Variants in NAP1L4 observed in about 807,000 individuals in gnomAD.
NAP1L4 encodes the protein nucleosome assembly protein 1-like 4.
Under a neutral mutation model 58.2 loss-of-function variants are expected in NAP1L4, and 15 were observed. The observed-to-expected ratio is 0.26, with a 90% CI of 0.17 to 0.40. NAP1L4 has a LOEUF of 0.40. Ranked by LOEUF, NAP1L4 falls within the 10% of genes least tolerant of loss-of-function variation. NAP1L4 has a pLI of 1.00. For missense variants in NAP1L4, 384 were observed against 451.1 expected (o/e 0.85, Z 1.35); for synonymous variants, 171 against 155.6 (o/e 1.10, Z -0.74).
intron 1 of NAP1L4, among the ~76,000 whole-genome samples, chr11:2,982,842 A>G (rs1590270505): frequency 6.6e-6 from 1 of 151,988 alleles, no homozygotes; most frequent in Non-Finnish European, 1.5e-5. Context: ...CCAACATGGT[A>G]AAACCCCGTC....
At chr11:2,967,500 A>G (rs1847354646) in intron 7 of NAP1L4, among the ~76,000 whole-genome samples, 2 of 151,808 alleles carry the variant, frequency 1.3e-5, no homozygotes, top group African/African-American at 2.4e-5. Flanking sequence ...AGTCCCAGCT[A>G]CTCGGGAGGC....
At position 2,944,568 on chromosome 11, in the gene NAP1L4, T is replaced by A. The variant is rs897743873; in HGVS notation, c.*1111A>T. On this transcript the variant is annotated 3_prime_UTR_variant, in exon 16 of 16. Transcript: ENST00000380542. ...GGCCTGGTCAGTGCGGACACGGCCA[T>A]CCCCGGCTGCCGGAGAGCGCCGTCA... 1 of 152,280 alleles carries A rather than the reference T, an allele frequency of 6.6e-6. No homozygotes were observed. The highest frequency in any genetic ancestry group is 2.4e-5 in the African/African-American group (1 of 41,446). The allele number at this position is 152,280 out of a possible 1,614,324, so 9.4% of individuals were successfully genotyped here. A position where few individuals can be genotyped will look rare whatever the true frequency, so the allele number is the denominator to read the frequency against.
chr11:2,978,325 G>C lies in NAP1L4; in HGVS notation c.32C>G (p.Pro11Arg), dbSNP rs760363060. 1.9e-6 allele frequency: 3 copies of C among 1,613,926 alleles called. No homozygotes were observed. Among genetic ancestry groups the C allele is most frequent in the South Asian group, 1.1e-5 (1 of 91,060 alleles). ...TTTAGCAGCTTCCACGGAATCTGAAGGAACCCCATCTGAAAAACTAAAACA... is the reference window on the plus strand; with the variant it reads ...TTTAGCAGCTTCCACGGAATCTGAACGAACCCCATCTGAAAAACTAAAACA... The part of the protein sequence containing the change: MADHSFSDGV[P>R]SDSVEAAKNA... The change falls in exon 3 of 16, where the codon CCT becomes CGT. Residue 11 changes from proline (P) to arginine (R), a missense_variant. Transcript: ENST00000380542.
At chr11:2,962,864 G>C (rs1232773496) in intron 8 of NAP1L4, among the ~76,000 whole-genome samples, 1 of 152,076 alleles carries the variant, frequency 6.6e-6, no homozygotes, top group African/African-American at 2.4e-5. Context: ...CACTTTGGAA[G>C]GCTGAGGCGG....
chr11:2,959,836 A>T lies in NAP1L4; in HGVS notation c.680T>A (p.Met227Lys). 1 of 1,614,244 alleles carries T rather than the reference A, an allele frequency of 6.2e-7. No homozygotes were observed. ...TNSVLTKTYK[M>K]KSEPDKADPF... Reference sequence around the variant, plus strand: ...ATCAGCCTTATCTGGTTCTGATTTCATCTTGTAGGTTTTTGTCAGGACTGA... The same window carrying T: ...ATCAGCCTTATCTGGTTCTGATTTCTTCTTGTAGGTTTTTGTCAGGACTGA... Residue 227 changes from methionine to lysine, a missense_variant, in exon 9 of 16, where the codon ATG (methionine) becomes AAG (lysine). This residue lies in a region of NAP1L4 where 296 missense variants were observed against 360.8 expected (regional missense o/e 0.82). Transcript: ENST00000380542. This position sits in a 1 kb window ranked among gnomAD's most constrained non-coding sequence, Gnocchi z 4.9.
chr11:2,966,882 T>C (rs760316553), intron 7 of NAP1L4, among the ~76,000 whole-genome samples: 4 of 152,196 alleles, frequency 2.6e-5, no homozygotes, highest in African/African-American at 4.8e-5. Context: ...CAAGCAGCCA[T>C]GTACCCTGTG....
Position 2,951,292 on chromosome 11 carries a change from T to C in NAP1L4, c.1089A>G (p.Gly363=), listed in dbSNP as rs1441416203. 5 of 1,613,950 alleles carry C rather than the reference T, an allele frequency of 3.1e-6. No homozygotes were observed. Among genetic ancestry groups the C allele is most frequent in the East Asian group, 4.5e-5 (2 of 44,886 alleles). ...EEEELEGDEE[G]EDEDDAEINP... is the part of the protein sequence containing the mutation. ...TAATTTCCGCATCATCCTCGTCTTC[T>C]CCCTCCTCGTCACCTTCTAATTCCT... The change falls in exon 14 of 16, where the codon GGA becomes GGG. Residue 363 remains glycine (G), a synonymous_variant. Transcript: ENST00000380542. This position sits in a 1 kb window ranked among gnomAD's most constrained non-coding sequence, Gnocchi z 4.0.
At position 2,948,118 on chromosome 11, in the gene NAP1L4, T is replaced by C. The variant is rs1377927102; in HGVS notation, c.*32+1109A>G. ...TAAGAGTGGCTAAGTTCTTCAGACATGCGGGGACAACAGGAATTAATGGCA... is the reference window on the plus strand; with the variant it reads ...TAAGAGTGGCTAAGTTCTTCAGACACGCGGGGACAACAGGAATTAATGGCA... On this transcript the variant is annotated intron_variant, in intron 15 of 15. Coordinates refer to ENST00000380542, the MANE Select transcript of NAP1L4 (RefSeq NM_005969.4). The surrounding 1 kb of genome is among the most constrained non-coding windows in gnomAD (Gnocchi z 5.1). Among the ~76,000 whole-genome samples, 2 of 152,150 alleles carry C rather than the reference T, an allele frequency of 1.3e-5. No homozygotes were observed. Among genetic ancestry groups the C allele is most frequent in the Non-Finnish European group, 2.9e-5 (2 of 68,024 alleles).
rs1053814440 is a variant in NAP1L4 at position 2,978,268 on chromosome 11, T to C, written c.73+16A>G. 1.2e-6 allele frequency: 2 copies of C among 1,612,546 alleles called. No individual in the cohort carries two copies. Among genetic ancestry groups the C allele is most frequent in the South Asian group, 1.1e-5 (1 of 90,828 alleles). On this transcript the variant is annotated intron_variant, in intron 3 of 15. Transcript: ENST00000380542. ...CCCCATACTGGATGCAAACTCTCCA[T>C]GTGCAGTGGACTGACCTGTGTTACT... is the stretch of plus-strand genomic sequence containing the variant.
chr11:2,990,848 G>C (rs1337931163), intron 1 of NAP1L4: 4 of 304,104 alleles, frequency 1.3e-5, no homozygotes, highest in Admixed American at 4.1e-5. Flanking sequence ...CGCAGTGCAG[G>C]TATTAGTCAT....
intron 7 of NAP1L4, among the ~76,000 whole-genome samples, chr11:2,965,731 C>T (rs1168502951): frequency 2.6e-5 from 4 of 152,098 alleles, no homozygotes; most frequent in Admixed American, 1.3e-4. Flanking sequence ...GGGGTTTCAC[C>T]GTGTTAGCCA....
intron 1 of NAP1L4, among the ~76,000 whole-genome samples, chr11:2,984,593 C>A (rs527626874): frequency 1.3e-5 from 2 of 152,156 alleles, no homozygotes; most frequent in Admixed American, 1.3e-4. Flanking sequence ...AAACAAAAAA[C>A]TAACAAACAC....
At chr11:2,963,148 A>AC (rs1847044303) in intron 8 of NAP1L4, among the ~76,000 whole-genome samples, 1 of 139,068 alleles carries the variant, frequency 7.2e-6, no homozygotes, top group Admixed American at 8.1e-5. Flanking sequence ...AAAGAAAAGG[A>AC]GAAAAAAGAA....
chr11:2,967,519 G>A (rs1847355842), intron 7 of NAP1L4, among the ~76,000 whole-genome samples: 1 of 151,718 alleles, frequency 6.6e-6, no homozygotes, highest in Non-Finnish European at 1.5e-5. Flanking sequence ...GCTGAGGCAG[G>A]AGAATGGCGT....
In NAP1L4 at chr11:2,948,219, T is replaced by C. The variant is rs1279353365; in HGVS notation, c.*32+1008A>G. On this transcript the variant is annotated intron_variant, in intron 15 of 15. Transcript: ENST00000380542. This position sits in a 1 kb window ranked among gnomAD's most constrained non-coding sequence, Gnocchi z 5.1. Reference sequence around the variant, plus strand: ...AAACAAAATCGTTCCAAGAGCTGCATCCGCCCTATGTACCATCAGTTTCCC... The same window carrying C: ...AAACAAAATCGTTCCAAGAGCTGCACCCGCCCTATGTACCATCAGTTTCCC... 1.3e-5 allele frequency among the ~76,000 whole-genome samples: 2 copies of C among 152,200 alleles called. No homozygotes were observed. Among genetic ancestry groups the C allele is most frequent in the Non-Finnish European group, 2.9e-5 (2 of 68,032 alleles).
At position 2,984,011 on chromosome 11, in the gene NAP1L4, A is replaced by G. The variant is rs531724761; in HGVS notation, c.-17-4774T>C. On this transcript the variant is annotated intron_variant, in intron 1 of 15. Transcript: ENST00000380542. Reference sequence around the variant, plus strand: ...AACAAAAAGAAAAAAAAAAAAAATGAGGCTGGACACAGTGGTTGATGCCTC... The same window carrying G: ...AACAAAAAGAAAAAAAAAAAAAATGGGGCTGGACACAGTGGTTGATGCCTC... 2.5e-3 allele frequency among the ~76,000 whole-genome samples: 378 copies of G among 149,978 alleles called. 1 individual carries two copies. The highest frequency in any genetic ancestry group is 8.5e-3 in the African/African-American group (349 of 41,116).
chr11:2,947,966 C>A (rs1396033516), intron 15 of NAP1L4, among the ~76,000 whole-genome samples: 1 of 152,184 alleles, frequency 6.6e-6, no homozygotes, highest in African/African-American at 2.4e-5. Context: ...TGCTGTTGCA[C>A]CCTGCCCTTC....
At chr11:2,953,809 C>A (rs1267051128) in intron 12 of NAP1L4, among the ~76,000 whole-genome samples, 1 of 152,214 alleles carries the variant, frequency 6.6e-6, no homozygotes, top group Non-Finnish European at 1.5e-5. Flanking sequence ...CCCCAACAGA[C>A]CAGACCTTCT....
At chr11:2,985,360 AG>A (rs1848558861) in intron 1 of NAP1L4, among the ~76,000 whole-genome samples, 1 of 152,084 alleles carries the variant, frequency 6.6e-6, no homozygotes, top group South Asian at 2.1e-4. Context: ...GAAAGTTATA[AG>A]GAACTATCAA....
Sources: gnomAD v4.1 joint callset for allele counts (sites outside exome capture counted in the v4.1 genomes callset) on GRCh38, gnomAD v4.1.1 for gene constraint, gnomAD v4.1.1 regional missense constraint, Gnocchi (gnomAD v3.1) non-coding constraint, MANE v1.5 for transcripts, NCBI Gene and HGNC (gene_info 2026-07-23, HGNC 2026-07-21) for gene names.